Variants in PIF1 observed in about 807,000 individuals in gnomAD.
PIF1 encodes the protein PIF1 5'-to-3' DNA helicase, also known as ATP-dependent DNA helicase PIF1.
Under a neutral mutation model 62.3 loss-of-function variants are expected in PIF1, and 67 were observed. The ratio of observed to expected loss-of-function variants is 1.08; its 90% confidence interval spans 0.88 to 1.32. The LOEUF is 1.32. Among genes scored for constraint, PIF1 ranks in the 40% most tolerant of loss-of-function variants. PIF1 has a pLI of 0.00. For missense variants in PIF1, 886 were observed against 866.1 expected (o/e 1.02, Z -0.29); for synonymous variants, 364 against 379.5 (o/e 0.96, Z 0.47).
intron 1 of PIF1, among the ~76,000 whole-genome samples, chr15:64,824,825 A>AAT (rs1295483797): frequency 6.7e-6 from 1 of 149,516 alleles, no homozygotes; most frequent in South Asian, 2.1e-4. Flanking sequence ...TTAAAAAAAA[A>AAT]ATACATACAT....
chr15:64,822,258 C>T lies in PIF1; in HGVS notation c.817+8G>A, dbSNP rs2084299846. ...CTCTTAGCTCAAGCCCTAGGGGTTC[C>T]TACTTACCTGCAAAGGCATGGAGGG... On this transcript the variant is annotated splice_region_variant and intron_variant, in intron 4 of 12. Transcript: ENST00000559239. The T allele has an allele frequency of 6.2e-7, 1 of 1,611,708 alleles. No individual in the cohort carries two copies. The highest frequency in any genetic ancestry group is 1.1e-5 in the South Asian group (1 of 90,978).
At chr15:64,825,965 A>G (rs1216200257), upstream of PIF1, among the ~76,000 whole-genome samples, 2 of 152,154 alleles carry the variant, frequency 1.3e-5, no homozygotes, top group Non-Finnish European at 2.9e-5. Flanking sequence ...CCATCCTTCC[A>G]GCACACTCCC....
At chr15:64,826,238 G>T (rs537065821), upstream of PIF1, among the ~76,000 whole-genome samples, 89 of 152,198 alleles carry the variant, frequency 5.8e-4, no homozygotes, top group Middle Eastern at 3.4e-3. Flanking sequence ...GGGTACAGCG[G>T]AAGCGAGTAG....
intron 11 of PIF1, among the ~76,000 whole-genome samples, chr15:64,817,286 C>T (rs942215986): frequency 2.0e-5 from 3 of 152,108 alleles, no homozygotes; most frequent in Admixed American, 6.6e-5. Context: ...GGTGTGGTGG[C>T]TCACGCCTAT....
chr15:64,819,297 T>C, intron 8 of PIF1, 74 bp from the exon 9 acceptor site: 1 of 984,988 alleles, frequency 1.0e-6, no homozygotes, highest in Non-Finnish European at 1.5e-6. Context: ...AAGACTTTTT[T>C]TAAATTTTAA....
At chr15:64,826,624 TTATATATATATATATATATATATA>T (rs764170884), upstream of PIF1, among the ~76,000 whole-genome samples, 51 of 36,076 alleles carry the variant, frequency 1.4e-3, 1 homozygote, top group South Asian at 0.036. Flanking sequence ...CCCAGCTAAT[TTATATATATATATATATATATATA>T]TATATATATA....
intron 2 of PIF1, chr15:64,823,516 A>T (rs143116690): frequency 0.011 from 3,368 of 317,060 alleles, 128 homozygotes; most frequent in African/African-American, 0.068. Flanking sequence ...AAGTGCTGGG[A>T]TTACAGGCGT....
intron 1 of PIF1, among the ~76,000 whole-genome samples, chr15:64,824,994 TATATACACAC>T (rs1292434208): frequency 1.5e-5 from 2 of 130,840 alleles, no homozygotes; most frequent in African/African-American, 2.8e-5. Context: ...AATTTCTATA[TATATACACAC>T]ACACACACAC....
At chr15:64,819,323 T>G in intron 8 of PIF1, 100 bp from the exon 9 acceptor site, 1 of 863,110 alleles carries the variant, frequency 1.2e-6, no homozygotes, top group Non-Finnish European at 1.8e-6. Flanking sequence ...TTTAATTTTA[T>G]TTTTTGAGAA....
chr15:64,824,420 G>T, intron 1 of PIF1, 66 bp from the exon 2 acceptor site: 2 of 1,101,526 alleles, frequency 1.8e-6, no homozygotes, highest in Non-Finnish European at 1.2e-6. Flanking sequence ...TATAGGGGAC[G>T]TAATGGGTGC....
At chr15:64,824,634 T>A (rs1191906608) in intron 1 of PIF1, among the ~76,000 whole-genome samples, 3 of 151,476 alleles carry the variant, frequency 2.0e-5, no homozygotes, top group Admixed American at 2.0e-4. Context: ...TCACCTGAAG[T>A]TAGGAGTTCT....
intron 9 of PIF1, 53 bp from the exon 10 acceptor site, chr15:64,818,397 TA>T (rs2084229158): frequency 1.3e-6 from 2 of 1,558,524 alleles, no homozygotes; most frequent in African/African-American, 2.7e-5. Context: ...TGCCTGGTCT[TA>T]GCTTCGCCAT....
chr15:64,824,047 C>G lies in PIF1; in HGVS notation c.289G>C (p.Gly97Arg). 1.6e-6 allele frequency: 2 copies of G among 1,264,928 alleles called. No individual in the cohort carries two copies. The highest frequency in any genetic ancestry group is 2.9e-5 in the South Asian group (1 of 34,492). 78.4% of individuals were successfully genotyped at this position (1,264,928 alleles called of 1,614,324 possible). A position where few individuals can be genotyped will look rare whatever the true frequency, so the allele number is the denominator to read the frequency against. The change falls in exon 2 of 13, where the codon GGG becomes CGG. Residue 97 changes from glycine (G) to arginine (R), a missense_variant. Transcript: ENST00000559239. ...TLRLPAHDTP[G>R]AGAVQLLLSD... ...AGCAGCAGCTGCACTGCGCCGGCCC[C>G]GGGGGTGTCGTGGGCGGGGAGCCGC...
chr15:64,817,179 G>A (rs2084198101), intron 11 of PIF1, among the ~76,000 whole-genome samples: 1 of 152,120 alleles, frequency 6.6e-6, no homozygotes, highest in Admixed American at 6.6e-5. Flanking sequence ...CTTAGAAAAT[G>A]GTGGGGCAGG....
rs112850272 is a variant in PIF1, at chr15:64,821,160, G to C, written c.1086+7C>G. The stretch of plus-strand genomic sequence containing the variant: ...CAAGGAGAGCAGAGCTAGGAGGTGA[G>C]TAATACCTGGAAGCAGAACCGTGGG... On this transcript the variant is annotated splice_region_variant and intron_variant, in intron 6 of 12. Coordinates refer to ENST00000559239, the MANE Select transcript of PIF1 (RefSeq NM_001286496.2). 1.5e-5 allele frequency: 25 copies of C among 1,613,842 alleles called. No homozygotes were observed. The highest frequency in any genetic ancestry group is 1.5e-4 in the African/African-American group (11 of 74,888).
At chr15:64,823,678 A>G in intron 2 of PIF1, 100 bp downstream of exon 2, 1 of 871,802 alleles carries the variant, frequency 1.1e-6, no homozygotes. Flanking sequence ...GGTATCAAAT[A>G]CCCACACCGG....
chr15:64,818,018 G>T lies in PIF1; in HGVS notation c.1602C>A (p.Thr534=). The stretch of plus-strand genomic sequence containing the variant: ...GCTGCCGACTGAGGAGCTGGCCCCC[G>T]GTGGCCTGCACCGTCCAGCGGTCAG... ...IHADRWTVQA[T]GGQLLSRQQL... is the part of the protein sequence containing the mutation. The change falls in exon 11 of 13, where the codon ACC becomes ACA. Residue 534 remains threonine, a synonymous_variant. Transcript: ENST00000559239. The T allele has an allele frequency of 6.2e-7, 1 of 1,613,490 alleles. No homozygotes were observed. The highest frequency in any genetic ancestry group is 8.5e-7 in the Non-Finnish European group (1 of 1,179,784).
chr15:64,816,384 C>T, intron 12 of PIF1, 27 bp from the exon 13 acceptor site: 1 of 1,613,752 alleles, frequency 6.2e-7, no homozygotes, highest in Non-Finnish European at 8.5e-7. Flanking sequence ...GAAGCCCAGT[C>T]ATGGGTTTGT....
At chr15:64,817,886 C>G (rs2084212361) in intron 11 of PIF1, 60 bp downstream of exon 11, 1 of 1,546,714 alleles carries the variant, frequency 6.5e-7, no homozygotes, top group Admixed American at 2.2e-5. Context: ...GACACATAGA[C>G]TGCAACATGC....
Sources: allele counts gnomAD v4.1 joint callset (sites outside exome capture counted in the v4.1 genomes callset), GRCh38; gene constraint gnomAD v4.1.1; transcripts MANE v1.5; gene names NCBI Gene and HGNC (gene_info 2026-07-23, HGNC 2026-07-21).